The following GALNT14 variants were observed in gnomAD, a reference collection of about 807,000 sequenced individuals.
GALNT14 encodes the protein polypeptide N-acetylgalactosaminyltransferase 14.
A neutral mutation model predicts 77.5 loss-of-function variants in GALNT14; 60 were observed. The ratio of observed to expected loss-of-function variants is 0.77; its 90% CI spans 0.63 to 0.96. The LOEUF is 0.96. GALNT14 is among the 40% of genes least tolerant of loss of function. The pLI, the probability that GALNT14 is intolerant of heterozygous loss-of-function variation, is 0.00. For missense variants in GALNT14, 710 were observed against 731.0 expected (o/e 0.97, Z 0.33); for synonymous variants, 280 against 281.7 (o/e 0.99, Z 0.06).
rs375797529 is a variant in GALNT14, at chr2:30,952,526, C to T, written c.654+3092G>A. Among the ~76,000 whole-genome samples, 664 of 147,122 alleles carry T rather than the reference C, an allele frequency of 4.5e-3. 1 individual carries two copies. The highest frequency in any genetic ancestry group is 0.016 in the East Asian group (79 of 4,914). On this transcript the variant is annotated intron_variant, in intron 6 of 14. Transcript: ENST00000349752. ...ATTGCAAGAACAAAAAACCAAACAC[C>T]GCATATTCTCACTCATAAGTGGGAA...
intron 1 of GALNT14, among the ~76,000 whole-genome samples, chr2:31,059,763 G>T (rs751673470): frequency 1.3e-5 from 2 of 152,178 alleles, no homozygotes; most frequent in Non-Finnish European, 2.9e-5. Flanking sequence ...CACCCCTTCT[G>T]CCATGTGAAG....
chr2:31,045,449 C>T (rs1481422930), intron 1 of GALNT14, among the ~76,000 whole-genome samples: 2 of 152,102 alleles, frequency 1.3e-5, no homozygotes, highest in Non-Finnish European at 2.9e-5. Flanking sequence ...TGACCCCTCC[C>T]CCATTTTCAT....
chr2:30,917,702 C>T (rs577219457), intron 13 of GALNT14, among the ~76,000 whole-genome samples: 11 of 152,354 alleles, frequency 7.2e-5, no homozygotes, highest in African/African-American at 1.9e-4. Context: ...CTACGGTTCC[C>T]GTTTTGTAGA....
chr2:31,060,545 C>G (rs977033379), intron 1 of GALNT14, among the ~76,000 whole-genome samples: 6 of 152,198 alleles, frequency 3.9e-5, no homozygotes, highest in Admixed American at 1.3e-4. Context: ...AAAACATTTG[C>G]TAACCATTAA....
At chr2:30,896,836 C>T in the GALNT14 span, among the ~76,000 whole-genome samples, 2 of 152,094 alleles carry the variant, frequency 1.3e-5, no homozygotes, top group African/African-American at 4.8e-5. Context: ...CATCCACCCC[C>T]ACAATTGGAA....
chr2:30,940,752 C>T (rs1666328378), intron 9 of GALNT14, among the ~76,000 whole-genome samples: 1 of 152,200 alleles, frequency 6.6e-6, no homozygotes, highest in Non-Finnish European at 1.5e-5. Flanking sequence ...TTCTCCTGGG[C>T]TGGTGGAGGC....
At chr2:31,072,263 TCACACACACACACACACATA>T (rs1322220314) in intron 1 of GALNT14, among the ~76,000 whole-genome samples, 1 of 80,276 alleles carries the variant, frequency 1.2e-5, no homozygotes, top group Non-Finnish European at 2.5e-5. Flanking sequence ...TCTCTCTCTC[TCACACACACACACACACATA>T]CACACACACA....
chr2:31,108,477 T>G (rs541330702), intron 1 of GALNT14, among the ~76,000 whole-genome samples: 5 of 152,166 alleles, frequency 3.3e-5, no homozygotes, highest in Non-Finnish European at 7.3e-5. Flanking sequence ...GCTGAAAACA[T>G]CTCTAGCTGA....
At chr2:30,943,126 C>T (rs1439038079) in intron 8 of GALNT14, among the ~76,000 whole-genome samples, 1 of 152,324 alleles carries the variant, frequency 6.6e-6, no homozygotes, top group Non-Finnish European at 1.5e-5. Flanking sequence ...TCCTCCAGAA[C>T]TGCGGGACGA....
intron 1 of GALNT14, among the ~76,000 whole-genome samples, chr2:30,994,219 A>G (rs1669886062): frequency 6.6e-6 from 1 of 152,182 alleles, no homozygotes; most frequent in Non-Finnish European, 1.5e-5. Flanking sequence ...TACTGAACCC[A>G]GTGGCCGTGC....
At chr2:31,100,064 G>A (rs539838464) in intron 1 of GALNT14, among the ~76,000 whole-genome samples, 27 of 151,816 alleles carry the variant, frequency 1.8e-4, no homozygotes, top group African/African-American at 5.8e-4. Flanking sequence ...TCTTCATATA[G>A]ACCCTGGATA....
the GALNT14 span, among the ~76,000 whole-genome samples, chr2:30,896,155 G>A: frequency 6.7e-6 from 1 of 149,674 alleles, no homozygotes; most frequent in African/African-American, 2.4e-5. Flanking sequence ...AGCAGCTCAC[G>A]AAATGCTACA....
intron 1 of GALNT14, among the ~76,000 whole-genome samples, chr2:31,038,283 AG>A (rs1438072365): frequency 6.6e-6 from 1 of 151,080 alleles, no homozygotes; most frequent in Non-Finnish European, 1.5e-5. Flanking sequence ...TAGTAGAGAC[AG>A]GGTTTCGCAA....
At chr2:30,961,049 C>T (rs191122866) in intron 3 of GALNT14, among the ~76,000 whole-genome samples, 1,991 of 152,354 alleles carry the variant, frequency 0.013, 34 homozygotes, top group South Asian at 0.08. Flanking sequence ...CAAGGAGCCC[C>T]CAGAGGCCGC....
intron 6 of GALNT14, among the ~76,000 whole-genome samples, chr2:30,953,928 A>G (rs1426756120): frequency 3.9e-5 from 6 of 152,144 alleles, no homozygotes; most frequent in Non-Finnish European, 7.3e-5. Flanking sequence ...CACCTACTCT[A>G]TGACAGGCAG....
At position 31,098,087 on chromosome 2, in the gene GALNT14, C is replaced by CT. The variant is rs548711730; in HGVS notation, c.129+39870dup. On this transcript the variant is annotated intron_variant, in intron 1 of 14. Transcript: ENST00000349752. ...CTGGCCTCAATCACATTCTACGTCT[C>CT]TATTAAAAAGCTGCAAAACAAGCAT... Among the ~76,000 whole-genome samples the CT allele has an allele frequency of 6.2e-4, 94 of 152,262 alleles. No individual in the cohort carries two copies. In the South Asian group the frequency reaches 9.7e-3, roughly 16 times the overall value.
At chr2:31,029,755 C>T (rs927715700) in intron 1 of GALNT14, among the ~76,000 whole-genome samples, 17 of 152,212 alleles carry the variant, frequency 1.1e-4, no homozygotes, top group African/African-American at 4.1e-4. Flanking sequence ...CAGAGTGCTA[C>T]TCACCCTACA....
chr2:30,894,940 C>T, the GALNT14 span, among the ~76,000 whole-genome samples: 2 of 152,170 alleles, frequency 1.3e-5, no homozygotes, highest in Non-Finnish European at 2.9e-5. Context: ...TATCAGTTCC[C>T]CAGAGCAGCA....
chr2:31,098,868 A>C (rs976327192), intron 1 of GALNT14, among the ~76,000 whole-genome samples: 1 of 152,140 alleles, frequency 6.6e-6, no homozygotes, highest in Admixed American at 6.6e-5. Flanking sequence ...CACAAGGAAG[A>C]TAAAATATAT....
Sources: allele counts gnomAD v4.1 joint callset (sites outside exome capture counted in the v4.1 genomes callset), GRCh38; gene constraint gnomAD v4.1.1; transcripts MANE v1.5; gene names NCBI Gene and HGNC (gene_info 2026-07-23, HGNC 2026-07-21).